IP6K1: variants seen among roughly 807,000 people sequenced by gnomAD.
The protein encoded by IP6K1 is ATP:1D-myo-inositol-hexakisphosphate phosphotransferase.
A neutral mutation model predicts 38.3 loss-of-function variants in IP6K1; 13 were observed. That is an observed-to-expected ratio of 0.34 (90% CI 0.22 to 0.54). IP6K1 has a LOEUF of 0.54. Ranked by LOEUF, IP6K1 falls within the 20% of genes least tolerant of loss-of-function variation. The pLI is 0.92. For missense variants in IP6K1, 397 were observed against 599.8 expected (o/e 0.66, Z 3.53); for synonymous variants, 212 against 229.9 (o/e 0.92, Z 0.70).
intron 3 of IP6K1, among the ~76,000 whole-genome samples, chr3:49,736,034 A>T (rs1439943559): frequency 6.6e-6 from 1 of 152,106 alleles, no homozygotes; most frequent in Non-Finnish European, 1.5e-5. Context: ...CTCCTGCCTC[A>T]GCCTCCCAAG....
At chr3:49,754,483 A>G (rs2080805460) in intron 1 of IP6K1, among the ~76,000 whole-genome samples, 2 of 152,216 alleles carry the variant, frequency 1.3e-5, no homozygotes, top group Admixed American at 1.3e-4. Flanking sequence ...CAGGAGTTCA[A>G]GACCAGTCTG....
intron 1 of IP6K1, among the ~76,000 whole-genome samples, chr3:49,756,931 G>A (rs1185581433): frequency 6.6e-6 from 1 of 151,966 alleles, no homozygotes; most frequent in Non-Finnish European, 1.5e-5. Flanking sequence ...TACCTGTGCT[G>A]TGACAAAATA....
chr3:49,745,110 T>A (rs572451600), intron 2 of IP6K1, among the ~76,000 whole-genome samples: 1 of 151,870 alleles, frequency 6.6e-6, no homozygotes, highest in East Asian at 1.9e-4. Context: ...AAAAAGTCCA[T>A]ACCTTCAAGG....
intron 1 of IP6K1, among the ~76,000 whole-genome samples, chr3:49,774,535 T>C (rs527596621): frequency 6.6e-6 from 1 of 152,170 alleles, no homozygotes; most frequent in South Asian, 2.1e-4. Flanking sequence ...ATTCCTGCCT[T>C]CAGAGAACTG....
chr3:49,743,619 G>GGTTT (rs1553694208), intron 2 of IP6K1, among the ~76,000 whole-genome samples: 1 of 81,816 alleles, frequency 1.2e-5, no homozygotes, highest in Non-Finnish European at 3.3e-5. Context: ...TTTTTTTTTT[G>GGTTT]TTTTTTTTTT....
At position 49,727,034 on chromosome 3, in the gene IP6K1, G is replaced by A. The variant is rs1174207198; in HGVS notation, c.*88C>T. ...CAAAGAGAAATATAACCCTTTAAAAGCAAGTCTGTGTGTCCTCACGGCAAG... is the reference window on the plus strand; with the variant it reads ...CAAAGAGAAATATAACCCTTTAAAAACAAGTCTGTGTGTCCTCACGGCAAG... On this transcript the variant is annotated 3_prime_UTR_variant, in exon 6 of 6. Transcript: ENST00000321599. This position sits in a 1 kb window ranked among gnomAD's most constrained non-coding sequence, Gnocchi z 5.9. 7 of 1,292,252 alleles carry A rather than the reference G, an allele frequency of 5.4e-6. No homozygotes were observed. Among genetic ancestry groups the A allele is most frequent in the Admixed American group, 4.6e-5 (2 of 43,678 alleles). 80.0% of individuals were successfully genotyped at this position (1,292,252 alleles called of 1,614,324 possible). A position where few individuals can be genotyped will look rare whatever the true frequency, so the allele number is the denominator to read the frequency against.
intron 3 of IP6K1, among the ~76,000 whole-genome samples, chr3:49,737,612 G>C (rs2080623939): frequency 6.6e-6 from 1 of 152,212 alleles, no homozygotes. Flanking sequence ...CTTGAACCCA[G>C]GAGGGAGAGG....
intron 1 of IP6K1, among the ~76,000 whole-genome samples, chr3:49,754,452 G>C (rs2080805251): frequency 6.6e-6 from 1 of 152,116 alleles, no homozygotes; most frequent in African/African-American, 2.4e-5. Context: ...GGAAGGCCAA[G>C]GTGGAAGGAC....
chr3:49,743,619 G>GTTT (rs1553694207), intron 2 of IP6K1, among the ~76,000 whole-genome samples: 1 of 81,814 alleles, frequency 1.2e-5, no homozygotes, highest in Non-Finnish European at 3.3e-5. Context: ...TTTTTTTTTT[G>GTTT]TTTTTTTTTT....
At chr3:49,755,481 T>C (rs752379812) in intron 1 of IP6K1, among the ~76,000 whole-genome samples, 1 of 152,234 alleles carries the variant, frequency 6.6e-6, no homozygotes, top group Non-Finnish European at 1.5e-5. Context: ...TCAGGAATGC[T>C]AAGTAAAATT....
chr3:49,767,725 G>A (rs866965459), intron 1 of IP6K1, among the ~76,000 whole-genome samples: 2 of 152,092 alleles, frequency 1.3e-5, no homozygotes, highest in African/African-American at 4.8e-5. Context: ...GAGCAATATA[G>A]TGAGATCCCA....
At position 49,762,425 on chromosome 3, in the gene IP6K1, T is replaced by C. The variant is rs993932552; in HGVS notation, c.-128-14257A>G. On this transcript the variant is annotated intron_variant, in intron 1 of 5. Transcript: ENST00000321599. ...GCAAGGTGGCGGGCGCCTGTAATCA[T>C]AGCTACTTGCCCTACTTGGGAGGTT... is the stretch of plus-strand genomic sequence containing the variant. Among the ~76,000 whole-genome samples, 7 of 152,058 alleles carry C rather than the reference T, an allele frequency of 4.6e-5. No homozygotes were observed. In the South Asian group the frequency reaches 8.3e-4, roughly 18 times the overall value.
rs760260548 is a variant in IP6K1 at position 49,728,187 on chromosome 3, C to T, written c.708G>A (p.Ala236=). 32 of 1,614,156 alleles carry T rather than the reference C, an allele frequency of 2.0e-5. No individual in the cohort carries two copies. Among genetic ancestry groups the T allele is most frequent in the African/African-American group, 4.0e-5 (3 of 75,056 alleles). The change falls in exon 5 of 6, where the codon GCG becomes GCA. Residue 236 remains alanine, a synonymous_variant. Transcript: ENST00000321599. ...KMGTRQHGDD[A]SAEKAARQMR... ...TCTGCCGGGCTGCCTTCTCAGCTGA[C>T]GCGTCATCGCCATGCTGCCGCGTGC...
chr3:49,755,314 C>T (rs995227667), intron 1 of IP6K1, among the ~76,000 whole-genome samples: 2 of 152,078 alleles, frequency 1.3e-5, no homozygotes, highest in African/African-American at 4.8e-5. Flanking sequence ...TGCAGATTTC[C>T]TCAACATTTC....
At chr3:49,765,296 G>C (rs540082988) in intron 1 of IP6K1, among the ~76,000 whole-genome samples, 1 of 151,736 alleles carries the variant, frequency 6.6e-6, no homozygotes, top group South Asian at 2.1e-4. Flanking sequence ...TAGCTAAAAA[G>C]AAAAAGAAAA....
intron 1 of IP6K1, among the ~76,000 whole-genome samples, chr3:49,766,383 G>A (rs1255984305): frequency 4.7e-5 from 7 of 148,924 alleles, no homozygotes; most frequent in East Asian, 4.0e-4. Flanking sequence ...AAAAAGAAAC[G>A]CCAGGCGCTG....
At chr3:49,738,115 C>A in intron 3 of IP6K1, 97 bp downstream of exon 3, 1 of 988,768 alleles carries the variant, frequency 1.0e-6, no homozygotes. Context: ...GTCATCTTAT[C>A]CAACCTTGAC....
intron 1 of IP6K1, among the ~76,000 whole-genome samples, chr3:49,767,544 A>G (rs909924266): frequency 6.6e-5 from 10 of 152,012 alleles, no homozygotes; most frequent in African/African-American, 2.4e-4. Flanking sequence ...ACGCCACTGC[A>G]CTCCAGGCTA....
At chr3:49,730,810 G>C (rs567478576) in intron 4 of IP6K1, among the ~76,000 whole-genome samples, 187 of 152,098 alleles carry the variant, frequency 1.2e-3, no homozygotes, top group Non-Finnish European at 2.0e-3. Flanking sequence ...TCCGCCTCTT[G>C]AGTTCAAATG....
Sources: gnomAD v4.1 joint callset for allele counts (sites outside exome capture counted in the v4.1 genomes callset) on GRCh38, gnomAD v4.1.1 for gene constraint, Gnocchi (gnomAD v3.1) non-coding constraint, MANE v1.5 for transcripts, NCBI Gene and HGNC (gene_info 2026-07-23, HGNC 2026-07-21) for gene names.